Variants in ATF7IP2 observed in about 807,000 individuals in gnomAD.
The protein encoded by ATF7IP2 is activating transcription factor 7 interacting protein 2, also known as activating transcription factor 7-interacting protein 2.
In ATF7IP2, 42 loss-of-function variants were observed where a neutral mutation model predicts 64.2. The ratio of observed to expected loss-of-function variants is 0.65; its 90% CI spans 0.51 to 0.85. The LOEUF (loss-of-function observed/expected upper bound fraction) is 0.85, where lower values mean the gene tolerates loss of function less well. ATF7IP2 is among the 40% of genes least tolerant of loss of function. ATF7IP2 has a pLI of 0.00. For missense variants in ATF7IP2, 933 were observed against 784.2 expected, an observed-to-expected ratio of 1.19 and a Z score of -2.27; for synonymous variants, 308 against 272.8, an observed-to-expected ratio of 1.13 and a Z score of -1.27.
intron 8 of ATF7IP2, among the ~76,000 whole-genome samples, chr16:10,443,444 G>C (rs2048698030): frequency 6.6e-6 from 1 of 152,160 alleles, no homozygotes; most frequent in Admixed American, 6.5e-5. Flanking sequence ...CGATTTGAAG[G>C]CCATGCAAGT....
intron 3 of ATF7IP2, among the ~76,000 whole-genome samples, chr16:10,420,619 G>T (rs375802834): frequency 6.6e-6 from 1 of 152,232 alleles, no homozygotes; most frequent in Non-Finnish European, 1.5e-5. Flanking sequence ...TGGAAGAGGT[G>T]TGTGAGTCCT....
At chr16:10,422,883 A>G (rs2048013755) in intron 3 of ATF7IP2, among the ~76,000 whole-genome samples, 1 of 152,204 alleles carries the variant, frequency 6.6e-6, no homozygotes, top group Non-Finnish European at 1.5e-5. Context: ...AGAAGTAGAT[A>G]CTGCAATTTG....
At chr16:10,475,741 A>C (rs1461085024) in intron 12 of ATF7IP2, among the ~76,000 whole-genome samples, 3 of 150,804 alleles carry the variant, frequency 2.0e-5, no homozygotes, top group South Asian at 4.2e-4. Flanking sequence ...AAAAAAAAAA[A>C]AAACAGAGAA....
intron 1 of ATF7IP2, among the ~76,000 whole-genome samples, chr16:10,396,692 T>A (rs1011214549): frequency 2.0e-5 from 3 of 151,930 alleles, no homozygotes; most frequent in African/African-American, 7.3e-5. Flanking sequence ...TGTCTCACTG[T>A]CTCACAGGAT....
intron 8 of ATF7IP2, among the ~76,000 whole-genome samples, chr16:10,443,361 G>C (rs2048694176): frequency 1.3e-5 from 2 of 152,158 alleles, no homozygotes; most frequent in Non-Finnish European, 2.9e-5. Flanking sequence ...ATAGCAGAGA[G>C]AGAGCTTGGC....
intron 8 of ATF7IP2, among the ~76,000 whole-genome samples, chr16:10,444,435 G>C (rs566752603): frequency 6.6e-6 from 1 of 152,218 alleles, no homozygotes; most frequent in Admixed American, 6.5e-5. Flanking sequence ...CTTTTGATGA[G>C]GACGTAATCT....
chr16:10,477,602 C>T (rs1427142057), intron 12 of ATF7IP2, among the ~76,000 whole-genome samples: 1 of 152,120 alleles, frequency 6.6e-6, no homozygotes, highest in East Asian at 1.9e-4. Flanking sequence ...ACAGGGATGC[C>T]CTCTCTCACC....
At chr16:10,465,838 T>C (rs551276808) in intron 9 of ATF7IP2, among the ~76,000 whole-genome samples, 1 of 152,048 alleles carries the variant, frequency 6.6e-6, no homozygotes, top group Non-Finnish European at 1.5e-5. Context: ...CGTTAGACCA[T>C]AAGTTTGCCA....
intron 6 of ATF7IP2, among the ~76,000 whole-genome samples, chr16:10,437,636 G>C (rs1180452293): frequency 1.3e-5 from 2 of 152,160 alleles, no homozygotes; most frequent in Non-Finnish European, 2.9e-5. Context: ...TAGCTTATTA[G>C]TGGTAATGTC....
chr16:10,391,292 G>A (rs1266103301), intron 1 of ATF7IP2, among the ~76,000 whole-genome samples: 1 of 151,896 alleles, frequency 6.6e-6, no homozygotes, highest in Admixed American at 6.6e-5. Flanking sequence ...AAAAGACCAG[G>A]CGCTGTGGCT....
chr16:10,414,822 G>A, intron 2 of ATF7IP2, among the ~76,000 whole-genome samples: 1 of 152,058 alleles, frequency 6.6e-6, no homozygotes, highest in East Asian at 1.9e-4. Context: ...TTCCCTTGAT[G>A]CAGTACTCTT....
intron 3 of ATF7IP2, among the ~76,000 whole-genome samples, chr16:10,427,128 A>G (rs2048101547): frequency 6.6e-6 from 1 of 152,172 alleles, no homozygotes; most frequent in African/African-American, 2.4e-5. Flanking sequence ...TGCTGGGATT[A>G]CAGGCTTGAG....
chr16:10,470,790 T>A (rs1470910846), intron 9 of ATF7IP2, among the ~76,000 whole-genome samples: 1 of 147,600 alleles, frequency 6.8e-6, no homozygotes, highest in Admixed American at 6.7e-5. Flanking sequence ...CTCTTAAAAA[T>A]ATATATATAT....
chr16:10,453,145 C>T (rs1352444604), intron 8 of ATF7IP2, among the ~76,000 whole-genome samples: 1 of 152,182 alleles, frequency 6.6e-6, no homozygotes, highest in Non-Finnish European at 1.5e-5. Flanking sequence ...AAAAGAAAAA[C>T]TCCTGCACCT....
intron 8 of ATF7IP2, among the ~76,000 whole-genome samples, chr16:10,444,704 AT>A (rs1462080393): frequency 6.6e-6 from 1 of 152,102 alleles, no homozygotes; most frequent in Non-Finnish European, 1.5e-5. Flanking sequence ...AGTTTGGTTC[AT>A]TTTTTTCTAC....
intron 1 of ATF7IP2, among the ~76,000 whole-genome samples, chr16:10,399,128 A>G (rs1208369914): frequency 2.0e-5 from 3 of 150,028 alleles, no homozygotes; most frequent in African/African-American, 4.9e-5. Context: ...AAAAAAAAAG[A>G]TCTATTGTTC....
At chr16:10,428,543 G>T (rs960974541) in intron 3 of ATF7IP2, among the ~76,000 whole-genome samples, 1 of 152,120 alleles carries the variant, frequency 6.6e-6, no homozygotes, top group East Asian at 1.9e-4. Flanking sequence ...GTGATTGGGG[G>T]ATTTATTTGT....
chr16:10,387,049 C>G (rs1002491031), intron 1 of ATF7IP2: 1 of 152,114 alleles, frequency 6.6e-6, no homozygotes, highest in Non-Finnish European at 1.5e-5. Context: ...ACTGAATAGT[C>G]CACATTAGAA....
chr16:10,475,785 A>G (rs2049987862), intron 12 of ATF7IP2, among the ~76,000 whole-genome samples: 1 of 151,990 alleles, frequency 6.6e-6, no homozygotes, highest in South Asian at 2.1e-4. Context: ...ACAAAAGGCA[A>G]AATGATCAAT....
Sources: allele counts gnomAD v4.1 joint callset (sites outside exome capture counted in the v4.1 genomes callset), GRCh38; gene constraint gnomAD v4.1.1; transcripts MANE v1.5; gene names NCBI Gene and HGNC (gene_info 2026-07-23, HGNC 2026-07-21).